PTPRD: variants seen among roughly 807,000 people sequenced by gnomAD.
PTPRD encodes the protein receptor-type tyrosine-protein phosphatase delta.
PTPRD carries 34 observed loss-of-function variants against 214.5 expected under a neutral mutation model. That is an observed-to-expected ratio of 0.16 (90% CI 0.12 to 0.21). PTPRD has a LOEUF of 0.21. Ranked by LOEUF, PTPRD falls within the 10% of genes least tolerant of loss-of-function variation. The pLI is 1.00. For synonymous variants in PTPRD, 1,128 were observed against 845.7 expected, an observed-to-expected ratio of 1.33 and a Z score of -5.79; for missense variants, 2,545 against 2,398.7, an observed-to-expected ratio of 1.06 and a Z score of -1.27.
At chr9:8,899,206 A>G (rs1177063582) in intron 11 of PTPRD, among the ~76,000 whole-genome samples, 1 of 152,190 alleles carries the variant, frequency 6.6e-6, no homozygotes, top group African/African-American at 2.4e-5. Flanking sequence ...CTAATCCAAG[A>G]GCACCGTAAT....
chr9:9,801,203 G>C (rs1334551257), intron 5 of PTPRD, among the ~76,000 whole-genome samples: 2 of 151,946 alleles, frequency 1.3e-5, no homozygotes, highest in Non-Finnish European at 2.9e-5. Flanking sequence ...TAAATCATTA[G>C]TACCCGGTAT....
At chr9:9,224,401 T>C (rs1311695579) in intron 9 of PTPRD, among the ~76,000 whole-genome samples, 1 of 152,024 alleles carries the variant, frequency 6.6e-6, no homozygotes, top group Non-Finnish European at 1.5e-5. Context: ...AACACAGTTA[T>C]TCTTATTTGG....
intron 2 of PTPRD, among the ~76,000 whole-genome samples, chr9:10,535,475 T>C (rs1012261641): frequency 1.2e-4 from 18 of 152,108 alleles, no homozygotes; most frequent in Non-Finnish European, 2.6e-4. Context: ...GTGAGCTTAC[T>C]GTATGCCAAC....
At chr9:8,499,958 T>C (rs2097357535) in intron 24 of PTPRD, 118 bp from the exon 25 acceptor site, 1 of 740,048 alleles carries the variant, frequency 1.4e-6, no homozygotes, top group Admixed American at 3.6e-5. Context: ...CCCACTATGT[T>C]TTCTTTGAAG....
At chr9:10,059,148 A>G (rs1184530759) in intron 3 of PTPRD, among the ~76,000 whole-genome samples, 1 of 152,138 alleles carries the variant, frequency 6.6e-6, no homozygotes, top group African/African-American at 2.4e-5. Flanking sequence ...GGCCTGAAGC[A>G]GTAAGTTCAA....
rs186041941 is a variant in PTPRD, at chr9:9,225,891, G to A, written c.-202-42528C>T. On this transcript the variant is annotated intron_variant, in intron 9 of 45. Coordinates refer to ENST00000381196, the MANE Select transcript of PTPRD (RefSeq NM_002839.4). ...ATATTGATGCATCTCATTCAGACTT[G>A]CCATGTTAAAGAGTATGAATACCTC... 1.8e-3 allele frequency among the ~76,000 whole-genome samples: 274 copies of A among 152,028 alleles called. 1 individual carries two copies. The highest frequency in any genetic ancestry group is 6.4e-3 in the African/African-American group (264 of 41,506).
Position 8,594,435 on chromosome 9 carries a change from A to T in PTPRD, c.352+38882T>A, listed in dbSNP as rs1306279798. Among the ~76,000 whole-genome samples, 6 of 152,192 alleles carry T rather than the reference A, an allele frequency of 3.9e-5. No homozygotes were observed. In the East Asian group the frequency reaches 1.2e-3, roughly 29 times the overall value. On this transcript the variant is annotated intron_variant, in intron 14 of 45. Coordinates refer to ENST00000381196, the MANE Select transcript of PTPRD (RefSeq NM_002839.4). Reference sequence around the variant, plus strand: ...ACAAACATCAGAACTCAAATATATAATATAAATCCTGGCAAACAACTCCAC... The same window carrying T: ...ACAAACATCAGAACTCAAATATATATTATAAATCCTGGCAAACAACTCCAC...
intron 30 of PTPRD, among the ~76,000 whole-genome samples, chr9:8,481,764 G>A (rs2096891161): frequency 6.7e-6 from 1 of 148,942 alleles, no homozygotes; most frequent in Non-Finnish European, 1.5e-5. Context: ...ACTCCTAAAT[G>A]CATATCTATA....
chr9:9,959,335 G>C (rs565663799), intron 4 of PTPRD, among the ~76,000 whole-genome samples: 2 of 152,016 alleles, frequency 1.3e-5, no homozygotes, highest in Admixed American at 6.6e-5. Flanking sequence ...CCAGAGCCTC[G>C]AGAGGAAGGA....
chr9:10,093,590 G>A (rs2098454033), intron 3 of PTPRD, among the ~76,000 whole-genome samples: 1 of 151,426 alleles, frequency 6.6e-6, no homozygotes, highest in Admixed American at 6.6e-5. Flanking sequence ...TCCCATTACT[G>A]GGTATATATC....
Position 9,725,458 on chromosome 9 carries a change from G to A in PTPRD, c.-287+9075C>T, listed in dbSNP as rs112351057. ...TTTCTTCCTATTCTCAGCTTATGTC[G>A]TTATCAAGAGTGTGAAAATGGACTA... is the stretch of plus-strand genomic sequence containing the variant. On this transcript the variant is annotated intron_variant, in intron 7 of 45. Transcript: ENST00000381196. Among the ~76,000 whole-genome samples the A allele has an allele frequency of 6.2e-3, 945 of 152,040 alleles. 14 individuals are homozygous for A. The highest frequency in any genetic ancestry group is 0.021 in the African/African-American group (891 of 41,476).
intron 3 of PTPRD, among the ~76,000 whole-genome samples, chr9:10,134,600 A>G (rs2098928453): frequency 6.6e-6 from 1 of 152,054 alleles, no homozygotes. Context: ...CCACAAATAT[A>G]TATCCCGTAC....
At chr9:10,508,514 C>T (rs1383308102) in intron 2 of PTPRD, among the ~76,000 whole-genome samples, 1 of 152,100 alleles carries the variant, frequency 6.6e-6, no homozygotes, top group African/African-American at 2.4e-5. Context: ...TATTGTGGCA[C>T]TATTCACAAT....
Position 8,433,984 on chromosome 9 carries a change from TTTGC to T in PTPRD, c.4086+2604_4086+2607del, listed in dbSNP as rs770690243. ...CCTACATAGGGGCACCATTTGTTTG[TTTGC>T]TTGTTTGTTTGTTTGTTTGTTTCAC... On this transcript the variant is annotated intron_variant, in intron 35 of 45. Transcript: ENST00000381196. 8.2e-3 allele frequency among the ~76,000 whole-genome samples: 1,033 copies of T among 126,346 alleles called. 5 individuals are homozygous for T. Among genetic ancestry groups the T allele is most frequent in the South Asian group, 0.051 (215 of 4,220 alleles). 82.9% of individuals were successfully genotyped at this position (126,346 alleles called of 152,430 possible). A position where few individuals can be genotyped will look rare whatever the true frequency, so the allele number is the denominator to read the frequency against.
At chr9:9,827,192 T>C (rs1247001247) in intron 5 of PTPRD, among the ~76,000 whole-genome samples, 1 of 152,054 alleles carries the variant, frequency 6.6e-6, no homozygotes, top group African/African-American at 2.4e-5. Flanking sequence ...AGAGCCCACA[T>C]TGCCAAGTCA....
chr9:10,499,912 A>C (rs932961638), intron 2 of PTPRD, among the ~76,000 whole-genome samples: 1 of 151,968 alleles, frequency 6.6e-6, no homozygotes, highest in Non-Finnish European at 1.5e-5. Flanking sequence ...AAAAATTACA[A>C]AATTTGCTTT....
intron 7 of PTPRD, among the ~76,000 whole-genome samples, chr9:9,658,537 A>G (rs2096564263): frequency 6.6e-6 from 1 of 152,140 alleles, no homozygotes; most frequent in African/African-American, 2.4e-5. Context: ...TAGAGTTCAT[A>G]CTTGGGAAGC....
At chr9:9,518,211 A>G (rs112467209) in intron 8 of PTPRD, among the ~76,000 whole-genome samples, 1 of 152,062 alleles carries the variant, frequency 6.6e-6, no homozygotes, top group Admixed American at 6.6e-5. Flanking sequence ...ATGTTGAATC[A>G]TAAAGTATAA....
At chr9:9,347,496 A>G (rs1248145655) in intron 9 of PTPRD, among the ~76,000 whole-genome samples, 2 of 152,000 alleles carry the variant, frequency 1.3e-5, no homozygotes, top group Admixed American at 1.3e-4. Flanking sequence ...ACCATTTGCT[A>G]AGTGGCCCTT....
Sources: gnomAD v4.1 joint callset for allele counts (sites outside exome capture counted in the v4.1 genomes callset) on GRCh38, gnomAD v4.1.1 for gene constraint, MANE v1.5 for transcripts, NCBI Gene and HGNC (gene_info 2026-07-23, HGNC 2026-07-21) for gene names.